MAGEA11: variants seen among roughly 807,000 people sequenced by gnomAD.
MAGEA11 encodes melanoma-associated antigen 11.
In MAGEA11, 1 loss-of-function variant was observed where a neutral mutation model predicts 8.4. The ratio of observed to expected loss-of-function variants is 0.12; its 90% CI spans 0.04 to 0.57. The LOEUF is 0.57. Ranked by LOEUF, MAGEA11 falls within the 20% of genes least tolerant of loss-of-function variation. MAGEA11 has a pLI of 0.91. For synonymous variants in MAGEA11, 127 were observed against 119.3 expected (o/e 1.06, Z -0.42); for missense variants, 209 against 317.3 (o/e 0.66, Z 2.59).
chrX:149,688,875 A>T, exon 1 of MAGEA11: 2 of 814,204 alleles, frequency 2.5e-6, no homozygotes, highest in South Asian at 4.1e-5. Context: ...GAGGCTGACA[A>T]TTTTTTTCCT....
intron 1 of MAGEA11, among the ~76,000 whole-genome samples, chrX:149,691,336 A>G (rs1189557132): frequency 1.8e-5 from 2 of 111,010 alleles, no homozygotes; most frequent in Non-Finnish European, 3.8e-5. Context: ...TATCAGTGTC[A>G]TGTGTGTGTT....
intron 1 of MAGEA11, among the ~76,000 whole-genome samples, chrX:149,693,836 G>GTT (rs1220702694): frequency 5.4e-5 from 6 of 111,855 alleles, no homozygotes; most frequent in African/African-American, 1.9e-4. Flanking sequence ...TTTTGTGTGT[G>GTT]TTTGTCTTCT....
intron 1 of MAGEA11, among the ~76,000 whole-genome samples, chrX:149,706,053 C>T (rs1360325615): frequency 8.9e-6 from 1 of 112,080 alleles, no homozygotes; most frequent in Admixed American, 9.4e-5. Context: ...TTCATGACAT[C>T]TTGCAGGGCT....
At chrX:149,713,035 C>A (rs2090409439) in intron 1 of MAGEA11, 108 bp from the exon 2 acceptor site, 1 of 500,436 alleles carries the variant, frequency 2.0e-6, no homozygotes. Flanking sequence ...GGCTCAGTCC[C>A]TGCTGGGAGG....
upstream of MAGEA11, among the ~76,000 whole-genome samples, chrX:149,710,615 A>AT (rs1206536506): frequency 9.1e-6 from 1 of 109,742 alleles, no homozygotes; most frequent in Non-Finnish European, 1.9e-5. Context: ...CACCCAGCTA[A>AT]TTTTTCATTT....
intron 1 of MAGEA11, among the ~76,000 whole-genome samples, chrX:149,697,611 G>C (rs1557360650): frequency 9.1e-6 from 1 of 110,276 alleles, no homozygotes; most frequent in Non-Finnish European, 1.9e-5. Flanking sequence ...GGGGTTCCTA[G>C]GGGTGGGAAG....
chrX:149,708,504 G>T (rs146340212), upstream of MAGEA11, among the ~76,000 whole-genome samples: 628 of 112,148 alleles, frequency 5.6e-3, 5 homozygotes, highest in African/African-American at 0.019. Flanking sequence ...TTCATAGAAG[G>T]CCTCACAGAG....
At chrX:149,688,360 G>C (rs1391847651), upstream of MAGEA11, 4 of 112,121 alleles carry the variant, frequency 3.6e-5, no homozygotes, top group Admixed American at 3.8e-4. Context: ...AGTTTCTATG[G>C]CTTGTCTTAG....
upstream of MAGEA11, among the ~76,000 whole-genome samples, chrX:149,711,261 G>T (rs187855342): frequency 4.6e-3 from 515 of 112,547 alleles, 6 homozygotes; most frequent in African/African-American, 0.016. Context: ...TATGATTTTT[G>T]ACACTGAATG....
chrX:149,688,728 A>G (rs62612570), upstream of MAGEA11: 10,707 of 246,819 alleles, frequency 0.043, 219 homozygotes, highest in Non-Finnish European at 0.063. Flanking sequence ...ATACATATAC[A>G]TATACAATTA....
chrX:149,688,733 C>T (rs975547489), upstream of MAGEA11: 20 of 247,537 alleles, frequency 8.1e-5, no homozygotes, highest in Admixed American at 1.1e-3. Flanking sequence ...TATACATATA[C>T]AATTAGCCTA....
upstream of MAGEA11, among the ~76,000 whole-genome samples, chrX:149,709,399 G>C (rs936616458): frequency 9.9e-5 from 11 of 111,469 alleles, no homozygotes; most frequent in African/African-American, 3.6e-4. Flanking sequence ...TCCAGGAAAA[G>C]AAAGTTTCAG....
intron 1 of MAGEA11, among the ~76,000 whole-genome samples, chrX:149,696,027 G>A (rs782719039): frequency 9.0e-6 from 1 of 110,880 alleles, no homozygotes; most frequent in Admixed American, 9.6e-5. Context: ...ATGCACAGGA[G>A]TCTCCTGTGA....
intron 1 of MAGEA11, among the ~76,000 whole-genome samples, chrX:149,703,302 T>A (rs1452053638): frequency 1.8e-5 from 2 of 112,597 alleles, no homozygotes; most frequent in Non-Finnish European, 3.7e-5. Context: ...CAAAAACATT[T>A]GTGCAAGGAA....
At position 149,689,234 on chromosome X, in the gene MAGEA11, G is replaced by A. The variant is rs1417952762; in HGVS notation, c.9+250G>A. Among the ~76,000 whole-genome samples, 64 of 110,850 alleles carry A rather than the reference G, an allele frequency of 5.8e-4. 4 individuals are homozygous for A. On this transcript the variant is annotated intron_variant, in intron 1 of 3. Coordinates refer to the MAGEA11 transcript ENST00000333104. Reference sequence around the variant, plus strand: ...TGGTTTAAAGTGCAGATATTTGGAGGGTAGATGGAAAACCCATGGAGATGG... The same window carrying A: ...TGGTTTAAAGTGCAGATATTTGGAGAGTAGATGGAAAACCCATGGAGATGG...
At chrX:149,692,721 G>T (rs1474863310) in intron 1 of MAGEA11, among the ~76,000 whole-genome samples, 3 of 111,562 alleles carry the variant, frequency 2.7e-5, no homozygotes, top group African/African-American at 9.8e-5. Flanking sequence ...ATATGGTTTG[G>T]CTGTGTCCCC....
At chrX:149,694,259 G>A (rs1398026227) in intron 1 of MAGEA11, among the ~76,000 whole-genome samples, 1 of 112,269 alleles carries the variant, frequency 8.9e-6, no homozygotes, top group Non-Finnish European at 1.9e-5. Context: ...TGCCATTCTA[G>A]TGTATGTAAA....
At chrX:149,712,584 G>T (rs1400251566) in intron 1 of MAGEA11, among the ~76,000 whole-genome samples, 2 of 110,716 alleles carry the variant, frequency 1.8e-5, no homozygotes, top group African/African-American at 6.6e-5. Context: ...CCCAGGCTCT[G>T]TGAGGAGGCA....
intron 1 of MAGEA11, among the ~76,000 whole-genome samples, chrX:149,704,002 G>A (rs1557361210): frequency 8.9e-6 from 1 of 112,229 alleles, no homozygotes; most frequent in Non-Finnish European, 1.9e-5. Context: ...ACTTTCTTAT[G>A]GGTTCAAAGC....
Sources: gnomAD v4.1 joint callset for allele counts (sites outside exome capture counted in the v4.1 genomes callset) on GRCh38, gnomAD v4.1.1 for gene constraint, MANE v1.5 for transcripts, NCBI Gene and HGNC (gene_info 2026-07-23, HGNC 2026-07-21) for gene names.